Variants in CADM2 observed in about 807,000 individuals in gnomAD.
CADM2 encodes immunoglobulin superfamily member 4D.
CADM2 carries 12 observed loss-of-function variants against 49.8 expected under a neutral mutation model. The ratio of observed to expected loss-of-function variants is 0.24; its 90% CI spans 0.15 to 0.39. The LOEUF (loss-of-function observed/expected upper bound fraction) is 0.39. Ranked by LOEUF, CADM2 falls within the 10% of genes least tolerant of loss-of-function variation. The probability of loss-of-function intolerance (pLI) is 1.00; values close to 1 mark genes in which losing one functional copy is unlikely to be tolerated. For missense variants in CADM2, 378 were observed against 492.3 expected (o/e 0.77, Z 2.20); for synonymous variants, 214 against 175.4 (o/e 1.22, Z -1.74).
intron 1 of CADM2, among the ~76,000 whole-genome samples, chr3:85,504,980 C>A (rs984497193): frequency 9.2e-5 from 14 of 152,136 alleles, no homozygotes; most frequent in African/African-American, 3.1e-4. Context: ...GTGCGGGGCC[C>A]GCCAAGCCCA....
chr3:86,060,751 AG>A (rs1738536767), intron 8 of CADM2, among the ~76,000 whole-genome samples: 1 of 152,110 alleles, frequency 6.6e-6, no homozygotes, highest in African/African-American at 2.4e-5. Context: ...TTGGAGGCTG[AG>A]GTGGGCAGAT....
At chr3:85,452,739 T>G (rs764638703) in intron 1 of CADM2, among the ~76,000 whole-genome samples, 3 of 152,194 alleles carry the variant, frequency 2.0e-5, no homozygotes, top group Admixed American at 1.3e-4. Context: ...ATTTTGGAAG[T>G]TGTCTTGCGG....
At chr3:85,119,587 G>A (rs1172954286) in intron 1 of CADM2, among the ~76,000 whole-genome samples, 2 of 151,798 alleles carry the variant, frequency 1.3e-5, no homozygotes, top group African/African-American at 2.4e-5. Flanking sequence ...AAATTACTTT[G>A]GGCAGTATGG....
At chr3:85,179,605 T>A (rs2107701136) in intron 1 of CADM2, among the ~76,000 whole-genome samples, 1 of 152,208 alleles carries the variant, frequency 6.6e-6, no homozygotes, top group African/African-American at 2.4e-5. Flanking sequence ...ATTATTAAGG[T>A]ACTATTTAAT....
intron 2 of CADM2, among the ~76,000 whole-genome samples, chr3:85,754,666 C>T (rs768231078): frequency 1.7e-4 from 26 of 152,066 alleles, no homozygotes; most frequent in Admixed American, 3.9e-4. Flanking sequence ...TAATCAAATT[C>T]TCCAAACAAG....
At chr3:85,454,829 G>A (rs1450982348) in intron 1 of CADM2, among the ~76,000 whole-genome samples, 1 of 130,538 alleles carries the variant, frequency 7.7e-6, no homozygotes, top group Admixed American at 8.4e-5. Flanking sequence ...TAATCAGTAA[G>A]CAAACATTAA....
At chr3:85,232,402 T>C in intron 1 of CADM2, among the ~76,000 whole-genome samples, 1 of 152,118 alleles carries the variant, frequency 6.6e-6, no homozygotes, top group East Asian at 1.9e-4. Context: ...TTCTCTGAGT[T>C]CTTATTTGTT....
At chr3:86,000,394 A>G (rs1466006593) in intron 8 of CADM2, among the ~76,000 whole-genome samples, 1 of 152,198 alleles carries the variant, frequency 6.6e-6, no homozygotes, top group Non-Finnish European at 1.5e-5. Flanking sequence ...AATAATTATT[A>G]TCTATTTCTA....
At chr3:85,136,675 T>G (rs550968404) in intron 1 of CADM2, among the ~76,000 whole-genome samples, 1 of 151,948 alleles carries the variant, frequency 6.6e-6, no homozygotes, top group Non-Finnish European at 1.5e-5. Context: ...AAACATTTCT[T>G]AAGCAAGTTA....
In CADM2 at chr3:85,309,941, G is replaced by A. The variant is rs530992339; in HGVS notation, c.61+350273G>A. ...ATGTTTCTGCTCTTTTTGTAAAACT[G>A]CTATTGAAGATACTGTCCAGTTTTG... is the stretch of plus-strand genomic sequence containing the variant. On this transcript the variant is annotated intron_variant, in intron 1 of 9. Coordinates refer to ENST00000383699, the MANE Select transcript of CADM2 (RefSeq NM_001167675.2). Among the ~76,000 whole-genome samples the A allele has an allele frequency of 4.3e-4, 65 of 152,316 alleles. No homozygotes were observed. The South Asian group carries it at 0.013, about 32-fold the overall frequency.
intron 1 of CADM2, among the ~76,000 whole-genome samples, chr3:85,076,858 A>G (rs1206560916): frequency 1.3e-5 from 2 of 152,004 alleles, no homozygotes; most frequent in East Asian, 2.0e-4. Flanking sequence ...TGCAATCCCA[A>G]CTACTCTGGA....
chr3:85,871,899 A>G (rs1317766643), intron 3 of CADM2, among the ~76,000 whole-genome samples: 1 of 152,164 alleles, frequency 6.6e-6, no homozygotes, highest in Non-Finnish European at 1.5e-5. Context: ...AAATATTTGC[A>G]TGGTGGTGTG....
chr3:85,177,252 C>A (rs1048802839), intron 1 of CADM2, among the ~76,000 whole-genome samples: 1 of 152,016 alleles, frequency 6.6e-6, no homozygotes, highest in Non-Finnish European at 1.5e-5. Flanking sequence ...ACTCCTAGTA[C>A]GGGGCAGTAA....
chr3:85,965,099 A>C (rs1161342420), intron 8 of CADM2, among the ~76,000 whole-genome samples: 1 of 151,494 alleles, frequency 6.6e-6, no homozygotes, highest in African/African-American at 2.4e-5. Flanking sequence ...ATTATAGTTT[A>C]ATGTGGAATA....
chr3:85,889,169 A>G (rs1714085691), intron 5 of CADM2, among the ~76,000 whole-genome samples: 1 of 152,200 alleles, frequency 6.6e-6, no homozygotes, highest in Admixed American at 6.5e-5. Flanking sequence ...ATATTTTCCT[A>G]AAAATAGAAA....
intron 3 of CADM2, among the ~76,000 whole-genome samples, chr3:85,811,532 T>C (rs536596290): frequency 1.3e-5 from 2 of 152,320 alleles, no homozygotes; most frequent in East Asian, 3.9e-4. Flanking sequence ...TCATGTTGAA[T>C]AGAGCAGCTT....
chr3:85,574,620 A>G (rs1371975889), intron 1 of CADM2, among the ~76,000 whole-genome samples: 1 of 152,222 alleles, frequency 6.6e-6, no homozygotes, highest in Non-Finnish European at 1.5e-5. Flanking sequence ...CATCTCTTTT[A>G]GAAGTATAGA....
At chr3:85,901,029 T>A (rs1198512507) in intron 5 of CADM2, among the ~76,000 whole-genome samples, 1 of 152,128 alleles carries the variant, frequency 6.6e-6, no homozygotes, top group Non-Finnish European at 1.5e-5. Context: ...TTACCCTGTG[T>A]CTATGAAAAA....
intron 1 of CADM2, among the ~76,000 whole-genome samples, chr3:85,613,865 C>A (rs776083011): frequency 2.6e-4 from 39 of 151,596 alleles, no homozygotes; most frequent in Non-Finnish European, 4.4e-4. Context: ...TGCTTCCAAG[C>A]AATGAGCCCT....
Sources: gnomAD v4.1 joint callset for allele counts (sites outside exome capture counted in the v4.1 genomes callset) on GRCh38, gnomAD v4.1.1 for gene constraint, MANE v1.5 for transcripts, NCBI Gene and HGNC (gene_info 2026-07-23, HGNC 2026-07-21) for gene names.